The following AGL variants were observed in gnomAD, a reference collection of about 807,000 sequenced individuals.
The protein encoded by AGL is amylo-alpha-1,6-glucosidase and 4-alpha-glucanotransferase.
In AGL, 128 loss-of-function variants were observed where a neutral mutation model predicts 199.3. The ratio of observed to expected loss-of-function variants is 0.64; its 90% CI spans 0.56 to 0.74. The LOEUF (loss-of-function observed/expected upper bound fraction) is 0.74. AGL is among the 30% of genes least tolerant of loss of function. AGL has a pLI of 0.00. For synonymous variants in AGL, 584 were observed against 594.7 expected, an observed-to-expected ratio of 0.98 and a Z score of 0.26; for missense variants, 1,809 against 1,820.8, an observed-to-expected ratio of 0.99 and a Z score of 0.12.
At chr1:99,914,259 C>T (rs1654951114) in intron 30 of AGL, among the ~76,000 whole-genome samples, 1 of 152,236 alleles carries the variant, frequency 6.6e-6, no homozygotes, top group African/African-American at 2.4e-5. Context: ...GTCTCTGTAT[C>T]CTACACACCT....
chr1:99,906,378 G>A (rs972973936), intron 27 of AGL, among the ~76,000 whole-genome samples: 4 of 151,660 alleles, frequency 2.6e-5, no homozygotes, highest in Non-Finnish European at 4.4e-5. Flanking sequence ...TGTCTTTTTT[G>A]TGATAAAAAG....
chr1:99,881,133 G>T lies in AGL; in HGVS notation c.1957G>T (p.Ala653Ser). 6.2e-7 allele frequency: 1 copy of T among 1,613,964 alleles called. No individual in the cohort carries two copies. The highest frequency in any genetic ancestry group is 8.5e-7 in the Non-Finnish European group (1 of 1,179,926). ...STTIVSMACCASGSTRGYDEL... is the reference protein window; with the variant it reads ...STTIVSMACCSSGSTRGYDEL... Reference sequence around the variant, plus strand: ...TACAATTGTTTCTATGGCATGTTGTGCTAGTGGAAGTACAAGAGGCTATGA... The same window carrying T: ...TACAATTGTTTCTATGGCATGTTGTTCTAGTGGAAGTACAAGAGGCTATGA... Residue 653 changes from alanine to serine, a missense_variant, in exon 15 of 34, where the codon GCT becomes TCT. Transcript: ENST00000361915.
intron 27 of AGL, among the ~76,000 whole-genome samples, chr1:99,910,466 T>A (rs1654658243): frequency 6.6e-6 from 1 of 152,112 alleles, no homozygotes; most frequent in Non-Finnish European, 1.5e-5. Flanking sequence ...CACATCTCCA[T>A]GTGCACATAA....
At position 99,921,900 on chromosome 1, in the gene AGL, C is replaced by A; in HGVS notation, c.*249C>A. On this transcript the variant is annotated 3_prime_UTR_variant, in exon 34 of 34. Transcript: ENST00000361915. ...AGTTCAGTAAGAATTATTCAAATGCCTAGAAATCCATAGTTTGGAAAAGAA... is the reference window on the plus strand; with the variant it reads ...AGTTCAGTAAGAATTATTCAAATGCATAGAAATCCATAGTTTGGAAAAGAA... The A allele has an allele frequency of 3.5e-6, 1 of 288,372 alleles. No homozygotes were observed. The highest frequency in any genetic ancestry group is 6.4e-6 in the Non-Finnish European group (1 of 157,222). The allele number at this position is 288,372 out of a possible 1,614,324, so 17.9% of individuals were successfully genotyped here. A position where few individuals can be genotyped will look rare whatever the true frequency, so the allele number is the denominator to read the frequency against.
intron 5 of AGL, among the ~76,000 whole-genome samples, chr1:99,866,663 C>T (rs1027880343): frequency 2.0e-5 from 3 of 152,132 alleles, no homozygotes; most frequent in Non-Finnish European, 2.9e-5. Context: ...AAACTGAGTA[C>T]AGCAGCAGTC....
rs34432483 is a variant in AGL at position 99,899,530 on chromosome 1, T to TTCTC, written c.3363-1098_3363-1095dup. 2.0e-5 allele frequency among the ~76,000 whole-genome samples: 3 copies of TTCTC among 146,854 alleles called. No homozygotes were observed. The South Asian group carries it at 6.4e-4, about 31-fold the overall frequency. ...TTTCTTTCTCTCTCTCTCTCTCTCT[T>TTCTC]TCTCTCTCTCTTTCTCTCTCTCTCT... On this transcript the variant is annotated intron_variant, in intron 25 of 33. Coordinates refer to ENST00000361915, the MANE Select transcript of AGL (RefSeq NM_000642.3).
intron 2 of AGL, among the ~76,000 whole-genome samples, chr1:99,851,787 AAT>A (rs1648970781): frequency 6.6e-6 from 1 of 152,236 alleles, no homozygotes; most frequent in South Asian, 2.1e-4. Flanking sequence ...GAAGAAGTGT[AAT>A]ATATGAAAAA....
intron 27 of AGL, among the ~76,000 whole-genome samples, chr1:99,907,354 T>C (rs753892581): frequency 7.9e-5 from 12 of 152,208 alleles, no homozygotes; most frequent in Non-Finnish European, 1.6e-4. Context: ...CATTCATTTG[T>C]CAATGGACAT....
intron 15 of AGL, 50 bp downstream of exon 15, chr1:99,881,227 C>T (rs1651993304): frequency 1.2e-6 from 2 of 1,612,524 alleles, no homozygotes; most frequent in Non-Finnish European, 1.7e-6. Flanking sequence ...CAACTTTGGG[C>T]ATTTTTATTA....
At chr1:99,887,880 A>G in intron 20 of AGL, 98 bp from the exon 21 acceptor site, 1 of 1,381,952 alleles carries the variant, frequency 7.2e-7, no homozygotes, top group Non-Finnish European at 1.0e-6. Context: ...ATACACTGCT[A>G]AGACATTTTA....
intron 30 of AGL, among the ~76,000 whole-genome samples, chr1:99,914,828 A>G (rs896136999): frequency 6.6e-6 from 1 of 152,138 alleles, no homozygotes; most frequent in Non-Finnish European, 1.5e-5. Context: ...TGTAATTCCA[A>G]CACTTTGGGA....
chr1:99,856,181 G>A (rs1649399198), intron 2 of AGL, among the ~76,000 whole-genome samples: 1 of 152,102 alleles, frequency 6.6e-6, no homozygotes, highest in Non-Finnish European at 1.5e-5. Flanking sequence ...TTCATTTACT[G>A]TATATAAAAA....
At chr1:99,852,787 A>G in intron 2 of AGL, 1 of 771,780 alleles carries the variant, frequency 1.3e-6, no homozygotes. Flanking sequence ...TTTTTGTGAT[A>G]AAGCCCTAAA....
intron 31 of AGL, among the ~76,000 whole-genome samples, 168 bp from the exon 32 acceptor site, chr1:99,916,242 G>A (rs1655101468): frequency 6.6e-6 from 1 of 152,092 alleles, no homozygotes; most frequent in Admixed American, 6.6e-5. Flanking sequence ...TGTGAACTCA[G>A]TATGTACTAA....
intron 7 of AGL, among the ~76,000 whole-genome samples, chr1:99,872,596 T>G (rs1192318933): frequency 6.6e-6 from 1 of 152,052 alleles, no homozygotes; most frequent in Non-Finnish European, 1.5e-5. Flanking sequence ...TGGTGTGATC[T>G]TGGCTCACTG....
intron 7 of AGL, among the ~76,000 whole-genome samples, chr1:99,873,183 G>C (rs1465761815): frequency 6.6e-6 from 1 of 151,380 alleles, no homozygotes; most frequent in Non-Finnish European, 1.5e-5. Flanking sequence ...ATTTATTTTT[G>C]TGTATTATAT....
rs190743264 is a variant in AGL at position 99,865,994 on chromosome 1, G to C, written c.664+1405G>C. 9.3e-4 allele frequency among the ~76,000 whole-genome samples: 141 copies of C among 152,244 alleles called. No individual in the cohort carries two copies. The East Asian group carries it at 0.018, about 19-fold the overall frequency. ...AAAATTTGACATTATTAAGCCAGGT[G>C]CTGTGGCTTGCACCTGTAATCCCAG... On this transcript the variant is annotated intron_variant, in intron 5 of 33. Coordinates refer to ENST00000361915, the MANE Select transcript of AGL (RefSeq NM_000642.3).
Position 99,879,886 on chromosome 1 carries a change from C to A in AGL, c.1612-37C>A, listed in dbSNP as rs201583938. The A allele has an allele frequency of 9.6e-5, 148 of 1,545,558 alleles. 1 individual carries two copies. In the Admixed American group the frequency reaches 2.4e-3, roughly 25 times the overall value. ...CTATCTTGCTTTTCTCTTTCTGTTA[C>A]ATTTATTTGTTACATTTGTCACTGT... On this transcript the variant is annotated intron_variant, in intron 12 of 33. Coordinates refer to ENST00000361915, the MANE Select transcript of AGL (RefSeq NM_000642.3).
rs532936962 is a variant in AGL at position 99,902,268 on chromosome 1, A to G, written c.3589-415A>G. On this transcript the variant is annotated intron_variant, in intron 26 of 33. Transcript: ENST00000361915. ...TTTCCAAAGTCATTATGGATCCTCA[A>G]ATTTGAGAGTTTCCCTTTAGCTCAT... Among the ~76,000 whole-genome samples, 469 of 152,260 alleles carry G rather than the reference A, an allele frequency of 3.1e-3. 1 individual carries two copies. The highest frequency in any genetic ancestry group is 0.011 in the African/African-American group (443 of 41,558).
Sources: allele counts gnomAD v4.1 joint callset (sites outside exome capture counted in the v4.1 genomes callset), GRCh38; gene constraint gnomAD v4.1.1; transcripts MANE v1.5; gene names NCBI Gene and HGNC (gene_info 2026-07-23, HGNC 2026-07-21).